The following PPFIA3 variants were observed in gnomAD, a reference collection of about 807,000 sequenced individuals.
The protein encoded by PPFIA3 is PPFI scaffold protein A3.
In PPFIA3, 26 loss-of-function variants were observed where a neutral mutation model predicts 145.8. The observed-to-expected ratio is 0.18, with a 90% CI of 0.13 to 0.25. The LOEUF (loss-of-function observed/expected upper bound fraction) is 0.25, where lower values mean the gene tolerates loss of function less well. PPFIA3 is among the 10% of genes least tolerant of loss of function. PPFIA3 has a pLI of 1.00. For synonymous variants in PPFIA3, 645 were observed against 661.4 expected, an observed-to-expected ratio of 0.98 and a Z score of 0.38; for missense variants, 1,008 against 1,587.8, an observed-to-expected ratio of 0.63 and a Z score of 6.21.
chr19:49,149,465 C>A lies in PPFIA3; in HGVS notation c.3355-82C>A. ...GGCGGGGTTAAAGGAGAGGTGAGAC[C>A]CGGAGAGGGGTGGAGTCAAAGGAAG... On this transcript the variant is annotated intron_variant, in intron 27 of 29. Transcript: ENST00000334186. The surrounding 1 kb of genome is among the most constrained non-coding windows in gnomAD (Gnocchi z 5.7). The A allele has an allele frequency of 6.3e-7, 1 of 1,591,098 alleles. No individual in the cohort carries two copies. The highest frequency in any genetic ancestry group is 8.6e-7 in the Non-Finnish European group (1 of 1,162,090).
chr19:49,127,859 G>C lies in PPFIA3; in HGVS notation c.-15G>C. Reference sequence around the variant, plus strand: ...GTTCCTTGCCCTCCCCGCCCCGCAGGCCCGCACCGCCGCCATGATGTGCGA... The same window carrying C: ...GTTCCTTGCCCTCCCCGCCCCGCAGCCCCGCACCGCCGCCATGATGTGCGA... On this transcript the variant is annotated splice_region_variant and 5_prime_UTR_variant, in exon 2 of 30. Transcript: ENST00000334186. 1.9e-6 allele frequency: 3 copies of C among 1,590,426 alleles called. No homozygotes were observed. Among genetic ancestry groups the C allele is most frequent in the Non-Finnish European group, 2.5e-6 (3 of 1,177,350 alleles).
chr19:49,131,250 C>T (rs1179123079), intron 7 of PPFIA3, among the ~76,000 whole-genome samples: 1 of 146,312 alleles, frequency 6.8e-6, no homozygotes, highest in Non-Finnish European at 1.5e-5. Context: ...CTCACTGCAA[C>T]CTCTGCCTCC....
intron 16 of PPFIA3, among the ~76,000 whole-genome samples, 158 bp downstream of exon 16, chr19:49,138,585 C>T (rs930027323): frequency 6.6e-6 from 1 of 152,222 alleles, no homozygotes; most frequent in Non-Finnish European, 1.5e-5. Flanking sequence ...AAAGGGGAGG[C>T]TGAGTCACTG....
chr19:49,142,484 G>A lies in PPFIA3; in HGVS notation c.2545-320G>A, dbSNP rs569586493. On this transcript the variant is annotated intron_variant, in intron 20 of 29. Coordinates refer to ENST00000334186, the MANE Select transcript of PPFIA3 (RefSeq NM_003660.4). Reference sequence around the variant, plus strand: ...CCGATCGCCCTGCCGATGTCTCCCTGTCTCCGGCTTCCTGTCTCTCCCCAC... The same window carrying A: ...CCGATCGCCCTGCCGATGTCTCCCTATCTCCGGCTTCCTGTCTCTCCCCAC... Among the ~76,000 whole-genome samples the A allele has an allele frequency of 2.5e-3, 374 of 151,712 alleles. 2 individuals are homozygous for A. The highest frequency in any genetic ancestry group is 8.6e-3 in the African/African-American group (356 of 41,324).
Position 49,141,495 on chromosome 19 carries a change from A to T in PPFIA3, c.2444A>T (p.Asp815Val). The T allele has an allele frequency of 1.2e-6, 2 of 1,613,870 alleles. No individual in the cohort carries two copies. Among genetic ancestry groups the T allele is most frequent in the Non-Finnish European group, 1.7e-6 (2 of 1,179,838 alleles). ...AAGCTGACAGGCCCAGGAGACAAGG[A>T]CCGAAGGAACAAGAGGAAGTGAGTG... ...LAKLTGPGDK[D>V]RRNKRKHELL... The change falls in exon 19 of 30, where the codon GAC (aspartate) becomes GTC (valine). Residue 815 changes from aspartate to valine, a missense_variant. This residue lies in a region of PPFIA3 where 154 missense variants were observed against 369.2 expected (regional missense o/e 0.42). Coordinates refer to ENST00000334186, the MANE Select transcript of PPFIA3 (RefSeq NM_003660.4).
chr19:49,133,588 G>T lies in PPFIA3; in HGVS notation c.1162-208G>T, dbSNP rs754620569. Among the ~76,000 whole-genome samples, 20 of 152,144 alleles carry T rather than the reference G, an allele frequency of 1.3e-4. No individual in the cohort carries two copies. Among genetic ancestry groups the T allele is most frequent in the Non-Finnish European group, 2.6e-4 (18 of 68,026 alleles). On this transcript the variant is annotated intron_variant, in intron 9 of 29. Transcript: ENST00000334186. The surrounding 1 kb of genome is among the most constrained non-coding windows in gnomAD (Gnocchi z 7.2). Reference sequence around the variant, plus strand: ...GGAGCGGGGTTCTCTAGCCTGGACTGAAAGGACCGGTGGCCTGGAACCTGA... The same window carrying T: ...GGAGCGGGGTTCTCTAGCCTGGACTTAAAGGACCGGTGGCCTGGAACCTGA...
rs1334228213 is a variant in PPFIA3, at chr19:49,133,196, T to G, written c.1027-41T>G. The G allele has an allele frequency of 6.9e-6, 11 of 1,582,894 alleles. No individual in the cohort carries two copies. The highest frequency in any genetic ancestry group is 1.4e-5 in the African/African-American group (1 of 73,548). On this transcript the variant is annotated intron_variant, in intron 8 of 29. Transcript: ENST00000334186. The surrounding 1 kb of genome is among the most constrained non-coding windows in gnomAD (Gnocchi z 7.2). ...GATGGGGGCGGTGCCGGGGCCCAAG[T>G]GACCCAGCCCGTCCCCTCCCCCTGC... is the stretch of plus-strand genomic sequence containing the variant.
chr19:49,133,704 C>A lies in PPFIA3; in HGVS notation c.1162-92C>A. 1.5e-6 allele frequency: 2 copies of A among 1,353,454 alleles called. No homozygotes were observed. Among genetic ancestry groups the A allele is most frequent in the Non-Finnish European group, 2.1e-6 (2 of 960,738 alleles). 83.8% of individuals were successfully genotyped at this position (1,353,454 alleles called of 1,614,324 possible). A position where few individuals can be genotyped will look rare whatever the true frequency, so the allele number is the denominator to read the frequency against. Reference sequence around the variant, plus strand: ...GGGGAGGAGCCTGGCGCTGTGGGGGCGGAGCCTGGCGCTCAGCCTTGGAGG... The same window carrying A: ...GGGGAGGAGCCTGGCGCTGTGGGGGAGGAGCCTGGCGCTCAGCCTTGGAGG... On this transcript the variant is annotated intron_variant, in intron 9 of 29. Coordinates refer to ENST00000334186, the MANE Select transcript of PPFIA3 (RefSeq NM_003660.4). This position sits in a 1 kb window ranked among gnomAD's most constrained non-coding sequence, Gnocchi z 7.2.
At position 49,134,709 on chromosome 19, in the gene PPFIA3, G is replaced by T. The variant is rs757660935; in HGVS notation, c.1440+8G>T. ...GAGTTGCTGCTAAACAAGGTAGGGGGCCCTGAGGGGACAGGAGGAGGATGT... is the reference window on the plus strand; with the variant it reads ...GAGTTGCTGCTAAACAAGGTAGGGGTCCCTGAGGGGACAGGAGGAGGATGT... On this transcript the variant is annotated splice_region_variant and intron_variant, in intron 12 of 29. Transcript: ENST00000334186. The T allele has an allele frequency of 1.2e-6, 2 of 1,613,740 alleles. No homozygotes were observed. The highest frequency in any genetic ancestry group is 1.7e-6 in the Non-Finnish European group (2 of 1,179,664).
chr19:49,149,926 G>T lies in PPFIA3; in HGVS notation c.3527-154G>T. 1 of 1,140,646 alleles carries T rather than the reference G, an allele frequency of 8.8e-7. No individual in the cohort carries two copies. Among genetic ancestry groups the T allele is most frequent in the Non-Finnish European group, 1.2e-6 (1 of 810,666 alleles). 70.7% of individuals were successfully genotyped at this position (1,140,646 alleles called of 1,614,324 possible). Reference sequence around the variant, plus strand: ...GGGCGGGAGTGAACTCGCCCAATGCGAGTTTGAGTCCTTGGCTGCGGGGAA... The same window carrying T: ...GGGCGGGAGTGAACTCGCCCAATGCTAGTTTGAGTCCTTGGCTGCGGGGAA... On this transcript the variant is annotated intron_variant, in intron 28 of 29. Coordinates refer to ENST00000334186, the MANE Select transcript of PPFIA3 (RefSeq NM_003660.4). The surrounding 1 kb of genome is among the most constrained non-coding windows in gnomAD (Gnocchi z 5.7).
Position 49,143,009 on chromosome 19 carries a change from G to A in PPFIA3, c.2745+5G>A, listed in dbSNP as rs1411215103. ...GCCCCCGCCTCCTCCCGCACTGTGA[G>A]TGTCCGGCGGCCAATTCCAGCCTTC... On this transcript the variant is annotated splice_donor_5th_base_variant and intron_variant, in intron 21 of 29. Coordinates refer to ENST00000334186, the MANE Select transcript of PPFIA3 (RefSeq NM_003660.4). The A allele has an allele frequency of 6.2e-7, 1 of 1,601,454 alleles. No individual in the cohort carries two copies. The highest frequency in any genetic ancestry group is 8.5e-7 in the Non-Finnish European group (1 of 1,176,554).
chr19:49,126,246 C>A (rs138422841), intron 1 of PPFIA3, among the ~76,000 whole-genome samples: 1 of 151,132 alleles, frequency 6.6e-6, no homozygotes, highest in Non-Finnish European at 1.5e-5. Flanking sequence ...CCTTGCCCGG[C>A]CGTTACTGTG....
chr19:49,145,791 T>C, intron 21 of PPFIA3, 152 bp from the exon 22 acceptor site: 4 of 706,964 alleles, frequency 5.7e-6, no homozygotes, highest in Non-Finnish European at 1.0e-5. Context: ...AGGTGCCCTA[T>C]AATAAGAATC....
intron 1 of PPFIA3, among the ~76,000 whole-genome samples, chr19:49,122,102 C>T (rs1461697312): frequency 8.0e-6 from 1 of 125,408 alleles, no homozygotes; most frequent in Admixed American, 8.4e-5. Context: ...TTTTTTGAGA[C>T]GGAGTTTCAC....
chr19:49,129,537 G>GT, intron 5 of PPFIA3, 83 bp downstream of exon 5: 1 of 1,416,566 alleles, frequency 7.1e-7, no homozygotes, highest in East Asian at 2.5e-5. Flanking sequence ...GGTTGGGTGG[G>GT]TTCCAGAGAG....
In PPFIA3 at chr19:49,145,793, A is replaced by T; in HGVS notation, c.2746-150A>T. The T allele has an allele frequency of 8.4e-6, 6 of 714,600 alleles. 1 individual carries two copies. Among genetic ancestry groups the T allele is most frequent in the Admixed American group, 6.6e-5 (3 of 45,330 alleles). 44.3% of individuals were successfully genotyped at this position (714,600 alleles called of 1,614,324 possible). The stretch of plus-strand genomic sequence containing the variant: ...CCTGGTACATGGCAGGTGCCCTATA[A>T]TAAGAATCATTCCTTTTCTCTGTTA... On this transcript the variant is annotated intron_variant, in intron 21 of 29. Coordinates refer to ENST00000334186, the MANE Select transcript of PPFIA3 (RefSeq NM_003660.4).
chr19:49,149,966 T>G lies in PPFIA3; in HGVS notation c.3527-114T>G. The G allele has an allele frequency of 7.6e-7, 1 of 1,313,940 alleles. No homozygotes were observed. The highest frequency in any genetic ancestry group is 1.1e-6 in the Non-Finnish European group (1 of 949,812). The allele number at this position is 1,313,940 out of a possible 1,614,324, so 81.4% of individuals were successfully genotyped here. On this transcript the variant is annotated intron_variant, in intron 28 of 29. Transcript: ENST00000334186. This position sits in a 1 kb window ranked among gnomAD's most constrained non-coding sequence, Gnocchi z 5.7. ...GCTGCGGGGAAGGGAGGGAAACCCA[T>G]GTGGAGCCCGGCGATCGTTGTGACA...
intron 18 of PPFIA3, 51 bp from the exon 19 acceptor site, chr19:49,141,369 T>C (rs547095858): frequency 7.0e-7 from 1 of 1,424,298 alleles, no homozygotes; most frequent in East Asian, 2.3e-5. Flanking sequence ...GCATGAAAGA[T>C]TCTGCCTCCC....
Position 49,134,151 on chromosome 19 carries a change from G to A in PPFIA3, c.1363G>A (p.Ala455Thr). 6.2e-7 allele frequency: 1 copy of A among 1,610,772 alleles called. No individual in the cohort carries two copies. The highest frequency in any genetic ancestry group is 8.5e-7 in the Non-Finnish European group (1 of 1,178,864). Residue 455 changes from alanine (A) to threonine (T), a missense_variant, in exon 11 of 30, where the codon GCG becomes ACG. Around this residue, in one of 11 missense-constraint regions of PPFIA3, gnomAD observed 21 missense variants for 46.4 expected, o/e 0.45. Coordinates refer to ENST00000334186, the MANE Select transcript of PPFIA3 (RefSeq NM_003660.4). The stretch of plus-strand genomic sequence containing the variant: ...GCTTCACCTCAAGGAGCGCATGGGG[G>A]CGCTGGAGGAGAAGGTGCGCCCCCC... The part of the protein sequence containing the change: ...LQLHLKERMG[A>T]LEEKNSLSEE...
Sources: gnomAD v4.1 joint callset for allele counts (sites outside exome capture counted in the v4.1 genomes callset) on GRCh38, gnomAD v4.1.1 for gene constraint, gnomAD v4.1.1 regional missense constraint, Gnocchi (gnomAD v3.1) non-coding constraint, MANE v1.5 for transcripts, NCBI Gene and HGNC (gene_info 2026-07-23, HGNC 2026-07-21) for gene names.